The following ZNF761 variants were observed in gnomAD, a reference collection of about 807,000 sequenced individuals.
ZNF761 encodes the protein zinc finger protein 761.
A neutral mutation model predicts 59.9 loss-of-function variants in ZNF761; 43 were observed. The observed-to-expected ratio is 0.72, with a 90% CI of 0.56 to 0.92. The LOEUF is 0.92. Ranked by LOEUF, ZNF761 falls within the 40% of genes least tolerant of loss-of-function variation. The pLI, the probability that ZNF761 is intolerant of heterozygous loss-of-function variation, is 0.00. For synonymous variants in ZNF761, 294 were observed against 304.8 expected, an observed-to-expected ratio of 0.96 and a Z score of 0.37; for missense variants, 850 against 906.1, an observed-to-expected ratio of 0.94 and a Z score of 0.79.
intron 1 of ZNF761, among the ~76,000 whole-genome samples, chr19:53,434,063 G>T (rs1025538004): frequency 6.6e-6 from 1 of 152,124 alleles, no homozygotes; most frequent in Non-Finnish European, 1.5e-5. Flanking sequence ...TTTGTGGCTT[G>T]CTGGGCCAGT....
At chr19:53,434,866 C>A (rs966833872) in intron 1 of ZNF761, among the ~76,000 whole-genome samples, 2 of 152,166 alleles carry the variant, frequency 1.3e-5, no homozygotes, top group African/African-American at 4.8e-5. Flanking sequence ...GCTAACCAAG[C>A]AAACAGGTTT....
intron 1 of ZNF761, among the ~76,000 whole-genome samples, chr19:53,437,126 A>T (rs73595239): frequency 0.01 from 1,564 of 152,058 alleles, 26 homozygotes; most frequent in African/African-American, 0.035. Flanking sequence ...GACCAGTCTG[A>T]CCAACATGGT....
Position 53,456,089 on chromosome 19 carries a change from G to A in ZNF761, c.1582G>A (p.Gly528Ser), listed in dbSNP as rs2708742. ...GAAAGCTTACAAGTGTAATGAGTGC[G>A]GCAAGACCTTTAGTTGGAAGTCATC... is the stretch of plus-strand genomic sequence containing the variant. ...GEKAYKCNEC[G>S]KTFSWKSSLT... The change falls in exon 5 of 5, where the codon GGC becomes AGC. Residue 528 changes from glycine (G) to serine (S), a missense_variant. Transcript: ENST00000684525. 659,030 of 1,613,354 alleles carry A rather than the reference G, an allele frequency of 0.41. 136,230 individuals are homozygous for A. Among genetic ancestry groups the A allele is most frequent in the Admixed American group, 0.55 (32,981 of 59,980 alleles).
chr19:53,449,768 A>G (rs556443426), intron 4 of ZNF761, 130 bp downstream of exon 4: 59 of 1,494,136 alleles, frequency 3.9e-5, no homozygotes, highest in African/African-American at 3.9e-4. Context: ...GGCTCACTGC[A>G]GTCTTGAATT....
Position 53,452,113 on chromosome 19 carries a change from CCA to C in ZNF761, c.142+2476_142+2477del, listed in dbSNP as rs879678280. ...CCTCTAATCCCAACAGTTTCGGATG[CCA>C]AGGTGGGCTGATCACTTGAAATCAG... On this transcript the variant is annotated intron_variant, in intron 4 of 4. Transcript: ENST00000684525. 3.1e-3 allele frequency among the ~76,000 whole-genome samples: 478 copies of C among 152,226 alleles called. 2 individuals carry two copies. The highest frequency in any genetic ancestry group is 6.8e-3 in the Middle Eastern group (2 of 294).
At chr19:53,448,701 A>C (rs2617733) in intron 3 of ZNF761, among the ~76,000 whole-genome samples, 26,394 of 151,562 alleles carry the variant, frequency 0.17, 3,268 homozygotes, top group African/African-American at 0.35. Context: ...CCTCCACCCT[A>C]AGGCTCAAGC....
intron 1 of ZNF761, chr19:53,441,781 A>C: frequency 1.0e-6 from 1 of 973,148 alleles, no homozygotes; most frequent in Non-Finnish European, 1.6e-6. Flanking sequence ...TTTCTTTTTT[A>C]ATTCATAATC....
chr19:53,455,100 A>G lies in ZNF761; in HGVS notation c.593A>G (p.Asn198Ser). Residue 198 changes from asparagine to serine, a missense_variant, in exon 5 of 5, where the codon AAT (asparagine) becomes AGT (serine). Asn to Ser is a conservative substitution (Grantham distance 46). Transcript: ENST00000684525. The part of the protein sequence containing the change: ...ISNNHGNNFW[N>S]SSLLTQKQEV... ...AATAACCATGGGAATAATTTCTGGA[A>G]TTCTTCATTACTCACACAAAAACAG... 1 of 1,614,192 alleles carries G rather than the reference A, an allele frequency of 6.2e-7. No homozygotes were observed. The highest frequency in any genetic ancestry group is 8.5e-7 in the Non-Finnish European group (1 of 1,180,028).
Position 53,454,894 on chromosome 19 carries a change from T to G in ZNF761, c.387T>G (p.Ser129Arg), listed in dbSNP as rs146306324. Reference sequence around the variant, plus strand: ...GTATTACAGAACGATATGATCAAAGTCATGCTAGAAACAAGCCTATTAAAG... The same window carrying G: ...GTATTACAGAACGATATGATCAAAGGCATGCTAGAAACAAGCCTATTAAAG... ...LTGITERYDQ[S>R]HARNKPIKDQ... Residue 129 changes from serine to arginine, a missense_variant, in exon 5 of 5, where the codon AGT (serine) becomes AGG (arginine). Ser to Arg is a moderately radical substitution (Grantham distance 110, BLOSUM62 -1). Transcript: ENST00000684525. 3.7e-4 allele frequency: 591 copies of G among 1,614,170 alleles called. 3 individuals are homozygous for G. Among genetic ancestry groups the G allele is most frequent in the Non-Finnish European group, 1.7e-4 (201 of 1,180,012 alleles).
rs1456615982 is a variant in ZNF761 at position 53,451,801 on chromosome 19, A to G, written c.142+2163A>G. Among the ~76,000 whole-genome samples the G allele has an allele frequency of 1.5e-4, 22 of 143,676 alleles. No homozygotes were observed. In the South Asian group the frequency reaches 4.7e-3, roughly 30 times the overall value. The allele number at this position is 143,676 out of a possible 152,430, so 94.3% of individuals were successfully genotyped here. A position where few individuals can be genotyped will look rare whatever the true frequency, so the allele number is the denominator to read the frequency against. ...ACGGGGTTTCACCGTGTGAACCAGG[A>G]TGGTCTCGATCTCCTGACCTCGTGA... On this transcript the variant is annotated intron_variant, in intron 4 of 4. Coordinates refer to ENST00000684525, the MANE Select transcript of ZNF761 (RefSeq NM_001289951.2).
Position 53,456,144 on chromosome 19 carries a change from G to T in ZNF761, c.1637G>T (p.Gly546Val). 6.2e-7 allele frequency: 1 copy of T among 1,614,026 alleles called. No individual in the cohort carries two copies. Among genetic ancestry groups the T allele is most frequent in the Non-Finnish European group, 8.5e-7 (1 of 1,179,980 alleles). Reference protein sequence around the residue: ...SLTCHRRLHSGEKPYKCKECG... With the variant: ...SLTCHRRLHSVEKPYKCKECG... The stretch of plus-strand genomic sequence containing the variant: ...ACCTGCCATCGTAGACTTCATTCTG[G>T]AGAGAAACCTTACAAGTGTAAGGAG... Residue 546 changes from glycine to valine, a missense_variant, in exon 5 of 5, where the codon GGA becomes GTA. By Grantham distance (109) the Gly-to-Val change is moderately radical. Coordinates refer to ENST00000684525, the MANE Select transcript of ZNF761 (RefSeq NM_001289951.2).
At position 53,456,783 on chromosome 19, in the gene ZNF761, C is replaced by A. The variant is rs2147145741; in HGVS notation, c.*35C>A. ...TGAGGTTTTTAATCAACAAGCACAC[C>A]TTGCAGGTCATCATAGAATTCATAC... On this transcript the variant is annotated 3_prime_UTR_variant, in exon 5 of 5. Transcript: ENST00000684525. The A allele has an allele frequency of 6.2e-7, 1 of 1,601,052 alleles. No individual in the cohort carries two copies. The highest frequency in any genetic ancestry group is 2.2e-5 in the East Asian group (1 of 44,810).
intron 4 of ZNF761, among the ~76,000 whole-genome samples, chr19:53,453,540 G>T (rs2086238677): frequency 6.6e-6 from 1 of 152,092 alleles, no homozygotes; most frequent in Non-Finnish European, 1.5e-5. Flanking sequence ...AGGCTTTTCG[G>T]TATGTGGTAT....
chr19:53,439,560 C>G (rs1262450312), intron 1 of ZNF761, among the ~76,000 whole-genome samples: 2 of 152,058 alleles, frequency 1.3e-5, no homozygotes, highest in African/African-American at 4.8e-5. Context: ...TGGTGCCAGA[C>G]AGATAACAAA....
At chr19:53,433,383 CT>C (rs569786564) in intron 1 of ZNF761, among the ~76,000 whole-genome samples, 223 of 144,488 alleles carry the variant, frequency 1.5e-3, no homozygotes, top group East Asian at 0.012. Context: ...CACATTTGTC[CT>C]TTTTTTTTTT....
intron 1 of ZNF761, among the ~76,000 whole-genome samples, chr19:53,436,971 A>G (rs2086049127): frequency 6.6e-6 from 1 of 152,170 alleles, no homozygotes; most frequent in South Asian, 2.1e-4. Context: ...GCACAGGTTA[A>G]TCATTGTTCA....
intron 1 of ZNF761, among the ~76,000 whole-genome samples, chr19:53,435,275 TATAAATACAAGTCC>T (rs2086026550): frequency 6.9e-6 from 1 of 145,474 alleles, no homozygotes; most frequent in African/African-American, 2.6e-5. Flanking sequence ...GTCGTCTGGC[TATAAATACAAGTCC>T]TTTTTTTTTT....
At position 53,447,221 on chromosome 19, in the gene ZNF761, C is replaced by T. The variant is rs367954566; in HGVS notation, c.-48C>T. 48 of 1,606,792 alleles carry T rather than the reference C, an allele frequency of 3.0e-5. 1 individual carries two copies. In the South Asian group the frequency reaches 3.3e-4, roughly 11 times the overall value. On this transcript the variant is annotated 5_prime_UTR_variant, in exon 3 of 5. It adds an upstream start codon to the 5' untranslated region. Transcript: ENST00000684525. ...GATTGACTTCTAAAGACTCTTGGTACGTGAGGAAGAAACCCGGAAGAGGAA... is the reference window on the plus strand; with the variant it reads ...GATTGACTTCTAAAGACTCTTGGTATGTGAGGAAGAAACCCGGAAGAGGAA...
At chr19:53,436,432 T>C (rs780964616) in intron 1 of ZNF761, among the ~76,000 whole-genome samples, 3 of 152,164 alleles carry the variant, frequency 2.0e-5, no homozygotes, top group African/African-American at 7.2e-5. Flanking sequence ...ATTTGACTTA[T>C]GATTAGGGCA....
Sources: gnomAD v4.1 joint callset for allele counts (sites outside exome capture counted in the v4.1 genomes callset) on GRCh38, gnomAD v4.1.1 for gene constraint, MANE v1.5 for transcripts, NCBI Gene and HGNC (gene_info 2026-07-23, HGNC 2026-07-21) for gene names.